REEP6: variants seen among roughly 807,000 people sequenced by gnomAD.
REEP6 encodes the protein receptor expression-enhancing protein 6.
In REEP6, 19 loss-of-function variants were observed where a neutral mutation model predicts 22.4. That is an observed-to-expected ratio of 0.85 (90% CI 0.59 to 1.25). The LOEUF is 1.25. REEP6 is among the 50% of genes most tolerant of loss of function. REEP6 has a pLI of 0.00. For missense variants in REEP6, 273 were observed against 251.9 expected (o/e 1.08, Z -0.57); for synonymous variants, 121 against 113.6 (o/e 1.06, Z -0.41).
intron 1 of REEP6, among the ~76,000 whole-genome samples, chr19:1,493,108 CT>C (rs1186495364): frequency 6.6e-6 from 1 of 151,892 alleles, no homozygotes; most frequent in Non-Finnish European, 1.5e-5. Flanking sequence ...CCAGTCCCAT[CT>C]GCTGCTAATC....
chr19:1,494,367 T>C (rs561579757), intron 1 of REEP6, among the ~76,000 whole-genome samples: 2 of 152,288 alleles, frequency 1.3e-5, no homozygotes, highest in Admixed American at 1.3e-4. Flanking sequence ...GAGATACCTG[T>C]AGTCGTCATG....
Position 1,497,459 on chromosome 19 carries a change from G to A in REEP6, c.*248G>A, listed in dbSNP as rs1461259559. 1 of 704,324 alleles carries A rather than the reference G, an allele frequency of 1.4e-6. No individual in the cohort carries two copies. The highest frequency in any genetic ancestry group is 2.6e-6 in the Non-Finnish European group (1 of 377,530). The allele number at this position is 704,324 out of a possible 1,614,324, so 43.6% of individuals were successfully genotyped here. ...CTGGCTCTGGCTGTGGCTCCCGCCT[G>A]TCCGGCAGGGCCCAGGGCCAGCGTC... On this transcript the variant is annotated 3_prime_UTR_variant, in exon 5 of 5. Transcript: ENST00000233596. The surrounding 1 kb of genome is among the most constrained non-coding windows in gnomAD (Gnocchi z 6.5).
Position 1,496,429 on chromosome 19 carries a change from G to T in REEP6, c.493G>T (p.Ala165Ser). The part of the protein sequence containing the change: ...MNDLSGRALD[A>S]AAGITRNVKP... ...CGACCTCAGCGGGCGAGCCCTGGACGCGGCGGCCGGAATAACCAGGAACGG... is the reference window on the plus strand; with the variant it reads ...CGACCTCAGCGGGCGAGCCCTGGACTCGGCGGCCGGAATAACCAGGAACGG... Residue 165 changes from alanine to serine, a missense_variant, in exon 4 of 5, where the codon GCG (alanine) becomes TCG (serine). Physicochemically the swap from Ala to Ser is moderately conservative, Grantham distance 99. Coordinates refer to ENST00000233596, the MANE Select transcript of REEP6 (RefSeq NM_138393.4). The T allele has an allele frequency of 6.2e-7, 1 of 1,612,528 alleles. No individual in the cohort carries two copies. The highest frequency in any genetic ancestry group is 2.2e-5 in the East Asian group (1 of 44,860).
At position 1,491,911 on chromosome 19, in the gene REEP6, T is replaced by C. The variant is rs1364936648; in HGVS notation, c.115+527T>C. Among the ~76,000 whole-genome samples the C allele has an allele frequency of 6.6e-6, 1 of 152,220 alleles. No homozygotes were observed. Among genetic ancestry groups the C allele is most frequent in the African/African-American group, 2.4e-5 (1 of 41,462 alleles). On this transcript the variant is annotated intron_variant, in intron 1 of 4. Transcript: ENST00000233596. The surrounding 1 kb of genome is among the most constrained non-coding windows in gnomAD (Gnocchi z 5.4). ...TAGTGCCACCGAGCGTAAATGTTTG[T>C]TAAGACGGAGTTGGGTTGTCTGACG...
rs2085022583 is a variant in REEP6, at chr19:1,497,786, G to A, written c.*575G>A. The A allele has an allele frequency of 4.2e-6, 2 of 470,616 alleles. No individual in the cohort carries two copies. Among genetic ancestry groups the A allele is most frequent in the South Asian group, 1.5e-5 (1 of 64,550 alleles). 29.2% of individuals were successfully genotyped at this position (470,616 alleles called of 1,614,324 possible). ...CCGAGCTGGTCCCCTGCCATTCCGG[G>A]ACCTCTCTGGAGTACACTTCGGAGT... On this transcript the variant is annotated 3_prime_UTR_variant, in exon 5 of 5. Coordinates refer to ENST00000233596, the MANE Select transcript of REEP6 (RefSeq NM_138393.4). This position sits in a 1 kb window ranked among gnomAD's most constrained non-coding sequence, Gnocchi z 6.5.
rs1468756586 is a variant in REEP6 at position 1,497,432 on chromosome 19, C to G, written c.*221C>G. On this transcript the variant is annotated 3_prime_UTR_variant, in exon 5 of 5. Coordinates refer to ENST00000233596, the MANE Select transcript of REEP6 (RefSeq NM_138393.4). This position sits in a 1 kb window ranked among gnomAD's most constrained non-coding sequence, Gnocchi z 6.5. The stretch of plus-strand genomic sequence containing the variant: ...GCTCTGGATCCCAGGGCCAGCTGCC[C>G]TCTGGCTCTGGCTGTGGCTCCCGCC... 1 of 710,296 alleles carries G rather than the reference C, an allele frequency of 1.4e-6. No homozygotes were observed. The highest frequency in any genetic ancestry group is 2.0e-5 in the Admixed American group (1 of 49,770). 44.0% of individuals were successfully genotyped at this position (710,296 alleles called of 1,614,324 possible). A position where few individuals can be genotyped will look rare whatever the true frequency, so the allele number is the denominator to read the frequency against.
In REEP6 at chr19:1,491,452, C is replaced by T; in HGVS notation, c.115+68C>T. On this transcript the variant is annotated intron_variant, in intron 1 of 4. Transcript: ENST00000233596. The surrounding 1 kb of genome is among the most constrained non-coding windows in gnomAD (Gnocchi z 5.4). ...AGGCCATGGGCCTGGGGGTCGCAGACCGGACTCCTTCCCCGGCTACGGGGT... is the reference window on the plus strand; with the variant it reads ...AGGCCATGGGCCTGGGGGTCGCAGATCGGACTCCTTCCCCGGCTACGGGGT... The T allele has an allele frequency of 5.3e-6, 6 of 1,124,496 alleles. No homozygotes were observed. The highest frequency in any genetic ancestry group is 5.9e-6 in the Non-Finnish European group (5 of 846,572). The allele number at this position is 1,124,496 out of a possible 1,614,324, so 69.7% of individuals were successfully genotyped here. A position where few individuals can be genotyped will look rare whatever the true frequency, so the allele number is the denominator to read the frequency against.
chr19:1,496,622 C>T (rs1035219466), intron 4 of REEP6, 169 bp downstream of exon 4: 1 of 910,732 alleles, frequency 1.1e-6, no homozygotes, highest in Non-Finnish European at 1.8e-6. Context: ...GCCGGGCAGG[C>T]ATCACCCCGG....
rs1370056077 is a variant in REEP6, at chr19:1,496,720, G to A, written c.517+267G>A. On this transcript the variant is annotated intron_variant, in intron 4 of 4. Transcript: ENST00000233596. The stretch of plus-strand genomic sequence containing the variant: ...AGGAGCTGTGTGTGTGTGTGTGTGC[G>A]CGCGCGCGCGCGTGTGTTTGAGCGT... 3.2e-5 allele frequency: 18 copies of A among 555,228 alleles called. No individual in the cohort carries two copies. The East Asian group carries it at 5.1e-4, about 16-fold the overall frequency. 34.4% of individuals were successfully genotyped at this position (555,228 alleles called of 1,614,324 possible).
intron 3 of REEP6, 28 bp from the exon 4 acceptor site, chr19:1,496,257 C>T (rs374654911): frequency 1.1e-5 from 18 of 1,584,332 alleles, no homozygotes; most frequent in Middle Eastern, 1.7e-4. Flanking sequence ...TGGGTGGGCC[C>T]GCGTGTAACT....
In REEP6 at chr19:1,497,014, T is replaced by C. The variant is rs1311177347; in HGVS notation, c.518-160T>C. 6.6e-6 allele frequency among the ~76,000 whole-genome samples: 1 copy of C among 152,168 alleles called. No homozygotes were observed. The highest frequency in any genetic ancestry group is 1.5e-5 in the Non-Finnish European group (1 of 68,002). On this transcript the variant is annotated intron_variant, in intron 4 of 4. Coordinates refer to ENST00000233596, the MANE Select transcript of REEP6 (RefSeq NM_138393.4). The surrounding 1 kb of genome is among the most constrained non-coding windows in gnomAD (Gnocchi z 6.5). ...GCACCCATCTGTGCATGGGTGACCA[T>C]GAAAGCCTCTGTGTGGTTGACACCA...
rs955737665 is a variant in REEP6 at position 1,495,368 on chromosome 19, G to C, written c.190G>C (p.Val64Leu). The change falls in exon 2 of 5, where the codon GTG becomes CTG. Residue 64 changes from valine to leucine, a missense_variant. Physicochemically the swap from Val to Leu is conservative, Grantham distance 32. Coordinates refer to ENST00000233596, the MANE Select transcript of REEP6 (RefSeq NM_138393.4). ...ASLLCNLIGF[V>L]YPAYASIKAI... ...TCTGCTGTGCAATCTCATCGGATTT[G>C]TGTACCCCGCATATGCCTCGTGAGT... 2 of 1,613,804 alleles carry C rather than the reference G, an allele frequency of 1.2e-6. No homozygotes were observed. The highest frequency in any genetic ancestry group is 8.5e-7 in the Non-Finnish European group (1 of 1,180,022).
chr19:1,492,805 C>T (rs1307750089), intron 1 of REEP6, among the ~76,000 whole-genome samples: 1 of 152,296 alleles, frequency 6.6e-6, no homozygotes, highest in South Asian at 2.1e-4. Context: ...GAAGTCTGTG[C>T]CCACACCCTG....
Position 1,496,956 on chromosome 19 carries a change from G to A in REEP6, c.518-218G>A, listed in dbSNP as rs181284557. 1.3e-3 allele frequency among the ~76,000 whole-genome samples: 202 copies of A among 152,300 alleles called. 1 individual carries two copies. The highest frequency in any genetic ancestry group is 4.6e-3 in the African/African-American group (191 of 41,576). ...CATGTGTGCACGTGTGAGTGCGTGC[G>A]TGTGCATGACTGCACATGCGTGTGC... On this transcript the variant is annotated intron_variant, in intron 4 of 4. Transcript: ENST00000233596.
rs768458735 is a variant in REEP6, at chr19:1,495,518, A to G, written c.259A>G (p.Thr87Ala). 6.2e-7 allele frequency: 1 copy of G among 1,613,912 alleles called. No homozygotes were observed. The highest frequency in any genetic ancestry group is 1.3e-5 in the African/African-American group (1 of 74,938). Residue 87 changes from threonine (T) to alanine (A), a missense_variant, in exon 3 of 5, where the codon ACC becomes GCC. Coordinates refer to ENST00000233596, the MANE Select transcript of REEP6 (RefSeq NM_138393.4). Reference sequence around the variant, plus strand: ...CAAGGACGACGACACTGTGTGGCTCACCTACTGGGTGGTGTACGCCCTGTT... The same window carrying G: ...CAAGGACGACGACACTGTGTGGCTCGCCTACTGGGTGGTGTACGCCCTGTT... Reference protein sequence around the residue: ...PSKDDDTVWLTYWVVYALFGL... With the variant: ...PSKDDDTVWLAYWVVYALFGL...
intron 4 of REEP6, among the ~76,000 whole-genome samples, chr19:1,496,827 ATGTT>A (rs111954418): frequency 0.017 from 2,544 of 151,892 alleles, 75 homozygotes; most frequent in African/African-American, 0.058. Context: ...GCTCAAGTGT[ATGTT>A]TGGTGTGTGA....
rs55971424 is a variant in REEP6 at position 1,493,708 on chromosome 19, G to GACACAC, written c.116-1567_116-1562dup. ...CAGGTTCAGGATTGGGGCTGAGCTG[G>GACACAC]ACACACACACACACACACACACACG... On this transcript the variant is annotated intron_variant, in intron 1 of 4. Coordinates refer to ENST00000233596, the MANE Select transcript of REEP6 (RefSeq NM_138393.4). Among the ~76,000 whole-genome samples the GACACAC allele has an allele frequency of 3.3e-3, 463 of 140,750 alleles. 3 individuals carry two copies. The highest frequency in any genetic ancestry group is 0.011 in the African/African-American group (437 of 38,110). The allele number at this position is 140,750 out of a possible 152,430, so 92.3% of individuals were successfully genotyped here.
At chr19:1,495,238 G>A (rs187835402) in intron 1 of REEP6, 56 bp from the exon 2 acceptor site, 21 of 1,561,058 alleles carry the variant, frequency 1.3e-5, no homozygotes, top group South Asian at 2.2e-5. Context: ...CCTGGGTACC[G>A]TCGTGGGGGC....
Position 1,495,566 on chromosome 19 carries a change from G to T in REEP6, c.307G>T (p.Asp103Tyr), listed in dbSNP as rs778188773. 4 of 1,614,098 alleles carry T rather than the reference G, an allele frequency of 2.5e-6. No individual in the cohort carries two copies. The highest frequency in any genetic ancestry group is 1.7e-4 in the Middle Eastern group (1 of 6,060). Residue 103 changes from aspartate to tyrosine, a missense_variant, in exon 3 of 5, where the codon GAT becomes TAT. By Grantham distance (160) the Asp-to-Tyr change is radical. Transcript: ENST00000233596. ...GTTTGGGCTGGCCGAGTTCTTCAGC[G>T]ATCTACTCCTGTCCTGGTTCCCTTT... ...ALFGLAEFFS[D>Y]LLLSWFPFYY...
Sources: allele counts gnomAD v4.1 joint callset (sites outside exome capture counted in the v4.1 genomes callset), GRCh38; gene constraint gnomAD v4.1.1; non-coding constraint Gnocchi (gnomAD v3.1); transcripts MANE v1.5; gene names NCBI Gene and HGNC (gene_info 2026-07-23, HGNC 2026-07-21).